The following CAMSAP2 variants were observed in gnomAD, a reference collection of about 807,000 sequenced individuals.
The protein encoded by CAMSAP2 is calmodulin-regulated spectrin-associated protein 2.
In CAMSAP2, 26 loss-of-function variants were observed where a neutral mutation model predicts 146.1. That is an observed-to-expected ratio of 0.18 (90% CI 0.13 to 0.25). The LOEUF (loss-of-function observed/expected upper bound fraction) is 0.25, where lower values mean the gene tolerates loss of function less well. CAMSAP2 is among the 10% of genes least tolerant of loss of function. The pLI is 1.00. For synonymous variants in CAMSAP2, 499 were observed against 596.6 expected (o/e 0.84, Z 2.38); for missense variants, 1,381 against 1,759.3 (o/e 0.78, Z 3.85).
Position 200,793,262 on chromosome 1 carries a change from A to G in CAMSAP2, c.400-14114A>G, listed in dbSNP as rs1202938236. Among the ~76,000 whole-genome samples the G allele has an allele frequency of 2.0e-5, 3 of 152,328 alleles. No homozygotes were observed. The South Asian group carries it at 6.2e-4, about 32-fold the overall frequency. On this transcript the variant is annotated intron_variant, in intron 2 of 16. Coordinates refer to ENST00000358823, the MANE Select transcript of CAMSAP2 (RefSeq NM_203459.4). Reference sequence around the variant, plus strand: ...TAAATAGGTGTGAGGATTAAATACAATAGTGGCTGTGAAGTATCTAATGTG... The same window carrying G: ...TAAATAGGTGTGAGGATTAAATACAGTAGTGGCTGTGAAGTATCTAATGTG...
intron 1 of CAMSAP2, among the ~76,000 whole-genome samples, chr1:200,749,102 T>C (rs757855342): frequency 2.6e-5 from 4 of 152,204 alleles, no homozygotes; most frequent in Non-Finnish European, 5.9e-5. Flanking sequence ...TAGGATAGGA[T>C]GCAAACAGGG....
chr1:200,810,652 G>A (rs141647979), intron 3 of CAMSAP2, among the ~76,000 whole-genome samples: 102 of 151,982 alleles, frequency 6.7e-4, no homozygotes, highest in African/African-American at 2.3e-3. Context: ...ACTTTGGGAG[G>A]CTGAGGCTGA....
At chr1:200,784,571 AG>A (rs1459711155) in intron 2 of CAMSAP2, among the ~76,000 whole-genome samples, 1 of 152,232 alleles carries the variant, frequency 6.6e-6, no homozygotes, top group East Asian at 1.9e-4. Context: ...GCTAATATAT[AG>A]AAATACAATT....
intron 4 of CAMSAP2, among the ~76,000 whole-genome samples, chr1:200,816,950 A>G (rs1404415436): frequency 8.6e-5 from 5 of 57,878 alleles, no homozygotes; most frequent in Non-Finnish European, 6.6e-5. Context: ...GTATGTGTGT[A>G]CACACACACG....
rs562046174 is a variant in CAMSAP2 at position 200,858,265 on chromosome 1, G to C, written c.*206G>C. 57 of 447,930 alleles carry C rather than the reference G, an allele frequency of 1.3e-4. No individual in the cohort carries two copies. The highest frequency in any genetic ancestry group is 1.0e-3 in the African/African-American group (52 of 49,586). 27.7% of individuals were successfully genotyped at this position (447,930 alleles called of 1,614,324 possible). A position where few individuals can be genotyped will look rare whatever the true frequency, so the allele number is the denominator to read the frequency against. The stretch of plus-strand genomic sequence containing the variant: ...TTAAGTGATAAGTCCAAATGATGAA[G>C]GAAATGTTTTAATTCACAAATGGAG... On this transcript the variant is annotated 3_prime_UTR_variant, in exon 17 of 17. Coordinates refer to ENST00000358823, the MANE Select transcript of CAMSAP2 (RefSeq NM_203459.4).
chr1:200,853,174 A>G lies in CAMSAP2; in HGVS notation c.3603-101A>G. On this transcript the variant is annotated intron_variant, in intron 12 of 16. Transcript: ENST00000358823. This position sits in a 1 kb window ranked among gnomAD's most constrained non-coding sequence, Gnocchi z 5.1. ...AATGAACCATTTATTCACCAAGGTG[A>G]TGAAATAGAATTCTCCTTTCTCATA... is the stretch of plus-strand genomic sequence containing the variant. 3.9e-6 allele frequency: 4 copies of G among 1,013,804 alleles called. No individual in the cohort carries two copies. The highest frequency in any genetic ancestry group is 5.9e-6 in the Non-Finnish European group (4 of 676,056). The allele number at this position is 1,013,804 out of a possible 1,614,324, so 62.8% of individuals were successfully genotyped here. A position where few individuals can be genotyped will look rare whatever the true frequency, so the allele number is the denominator to read the frequency against.
intron 3 of CAMSAP2, among the ~76,000 whole-genome samples, chr1:200,812,366 A>G (rs1357826006): frequency 6.6e-6 from 1 of 152,220 alleles, no homozygotes; most frequent in African/African-American, 2.4e-5. Flanking sequence ...ACACAAAATT[A>G]AGGAAATCAC....
rs1571701473 is a variant in CAMSAP2 at position 200,739,730 on chromosome 1, G to C, written c.-98G>C. 3.0e-6 allele frequency: 4 copies of C among 1,323,076 alleles called. No individual in the cohort carries two copies. Among genetic ancestry groups the C allele is most frequent in the Non-Finnish European group, 4.1e-6 (4 of 978,564 alleles). 82.0% of individuals were successfully genotyped at this position (1,323,076 alleles called of 1,614,324 possible). ...GGCGGACATCGCCCGGGCCCCGATG[G>C]TTTGAGCTTGCTTCTCCCTCCCTCC... On this transcript the variant is annotated 5_prime_UTR_variant, in exon 1 of 17. Transcript: ENST00000358823. This position sits in a 1 kb window ranked among gnomAD's most constrained non-coding sequence, Gnocchi z 4.8.
intron 10 of CAMSAP2, 149 bp downstream of exon 10, chr1:200,847,858 TA>T: frequency 1.2e-6 from 1 of 846,102 alleles, no homozygotes; most frequent in Non-Finnish European, 1.8e-6. Context: ...GATAGAGATG[TA>T]AAAGAGGCTA....
chr1:200,758,788 T>A (rs957767391), intron 1 of CAMSAP2, among the ~76,000 whole-genome samples: 1 of 152,204 alleles, frequency 6.6e-6, no homozygotes, highest in African/African-American at 2.4e-5. Context: ...TAACGTAGGC[T>A]TATTATTGAT....
chr1:200,767,318 C>T (rs1399767836), intron 2 of CAMSAP2, among the ~76,000 whole-genome samples: 18 of 149,758 alleles, frequency 1.2e-4, no homozygotes, highest in South Asian at 4.2e-4. Flanking sequence ...GCTGAGATTG[C>T]GCCACTGCAC....
intron 4 of CAMSAP2, among the ~76,000 whole-genome samples, chr1:200,827,005 G>A (rs188081657): frequency 4.6e-5 from 7 of 152,272 alleles, no homozygotes; most frequent in East Asian, 3.9e-4. Flanking sequence ...CAGAAATGGC[G>A]TTATTCTTCA....
intron 4 of CAMSAP2, among the ~76,000 whole-genome samples, chr1:200,816,882 GCGTGTGTATGTGTGTACACACACA>G (rs1666547961): frequency 1.6e-5 from 1 of 64,290 alleles, no homozygotes; most frequent in Non-Finnish European, 3.1e-5. Context: ...ACACACACAC[GCGTGTGTATGTGTGTACACACACA>G]CGCGTGTGTA....
At chr1:200,804,928 A>G (rs186761641) in intron 2 of CAMSAP2, among the ~76,000 whole-genome samples, 120 of 152,316 alleles carry the variant, frequency 7.9e-4, no homozygotes, top group African/African-American at 2.7e-3. Flanking sequence ...ACTGCATGAT[A>G]TGGTAGAAAG....
intron 14 of CAMSAP2, 63 bp downstream of exon 14, chr1:200,854,952 T>TCGC (rs1369795503): frequency 8.3e-7 from 1 of 1,199,004 alleles, no homozygotes; most frequent in Non-Finnish European, 1.2e-6. Context: ...TTATACAAAC[T>TCGC]CTAAGTAAAA....
At chr1:200,825,041 A>AT (rs926617015) in intron 4 of CAMSAP2, among the ~76,000 whole-genome samples, 5 of 151,396 alleles carry the variant, frequency 3.3e-5, no homozygotes, top group South Asian at 2.1e-4. Flanking sequence ...TTTGTTTGCA[A>AT]TTTTTTTTTA....
intron 2 of CAMSAP2, among the ~76,000 whole-genome samples, chr1:200,787,026 A>C (rs1665613516): frequency 6.6e-6 from 1 of 152,134 alleles, no homozygotes; most frequent in African/African-American, 2.4e-5. Flanking sequence ...GAAAAAAAAA[A>C]AAAAGATTCC....
At chr1:200,754,512 G>A (rs1395611532) in intron 1 of CAMSAP2, among the ~76,000 whole-genome samples, 1 of 146,372 alleles carries the variant, frequency 6.8e-6, no homozygotes, top group Non-Finnish European at 1.5e-5. Context: ...GATTATTGCT[G>A]TTGATTACTA....
intron 2 of CAMSAP2, among the ~76,000 whole-genome samples, chr1:200,806,172 G>A (rs772651560): frequency 1.3e-5 from 2 of 152,156 alleles, no homozygotes; most frequent in African/African-American, 2.4e-5. Context: ...AGAAAAACTA[G>A]GGGAAAGTAT....
Sources: allele counts gnomAD v4.1 joint callset (sites outside exome capture counted in the v4.1 genomes callset), GRCh38; gene constraint gnomAD v4.1.1; non-coding constraint Gnocchi (gnomAD v3.1); transcripts MANE v1.5; gene names NCBI Gene and HGNC (gene_info 2026-07-23, HGNC 2026-07-21).